Variants in COMMD5 observed in about 807,000 individuals in gnomAD.
The protein encoded by COMMD5 is COMM domain-containing protein 5.
COMMD5 carries 10 observed loss-of-function variants against 6.9 expected under a neutral mutation model. The ratio of observed to expected loss-of-function variants is 1.44; its 90% CI spans 0.89 to 2.45. COMMD5 has a LOEUF of 2.45. COMMD5 is among the 30% of genes most tolerant of loss of function. The pLI, the probability that COMMD5 is intolerant of heterozygous loss-of-function variation, is 0.00. For missense variants in COMMD5, 234 were observed against 287.8 expected, an observed-to-expected ratio of 0.81 and a Z score of 1.35; for synonymous variants, 127 against 125.3, an observed-to-expected ratio of 1.01 and a Z score of -0.09.
At chr8:144,838,151 C>T (rs562102680), downstream of COMMD5, 88 of 702,884 alleles carry the variant, frequency 1.3e-4, no homozygotes, top group African/African-American at 7.0e-4. Flanking sequence ...CTTGTGGATG[C>T]GTCCCTCACT....
chr8:144,850,873 G>T lies in COMMD5; in HGVS notation c.466C>A (p.Arg156=). ...GAWLPHVADF[R]WRVDVAISTS... ...GAGATTGCTACATCCACCCGCCACC[G>T]AAAGTCAGCAACATGCGGCAGCCAG... The change falls in exon 2 of 2, where the codon CGG becomes AGG. Residue 156 remains arginine, a synonymous_variant. Coordinates refer to ENST00000305103, the MANE Select transcript of COMMD5 (RefSeq NM_014066.4). This position sits in a 1 kb window ranked among gnomAD's most constrained non-coding sequence, Gnocchi z 4.0. The T allele has an allele frequency of 6.2e-7, 1 of 1,612,906 alleles. No individual in the cohort carries two copies. The highest frequency in any genetic ancestry group is 8.5e-7 in the Non-Finnish European group (1 of 1,179,664).
chr8:144,851,666 A>T (rs1391892151), intron 1 of COMMD5, among the ~76,000 whole-genome samples: 1 of 151,994 alleles, frequency 6.6e-6, no homozygotes, highest in African/African-American at 2.4e-5. Context: ...ACCAGGAAAC[A>T]GCACAAGTTC....
chr8:144,842,545 C>G, intron 1 of COMMD5: 1 of 1,614,162 alleles, frequency 6.2e-7, no homozygotes, highest in Non-Finnish European at 8.5e-7. Context: ...AGGCTTTGTT[C>G]AGGGCTCACA....
rs967959005 is a variant in COMMD5, at chr8:144,850,440, T to G, written c.*224A>C. ...AAGGGGAGGGTGTGAGGTCCAACAC[T>G]CACCTATAGAAACATGTTTTTAGCT... On this transcript the variant is annotated 3_prime_UTR_variant, in exon 2 of 2. Coordinates refer to ENST00000305103, the MANE Select transcript of COMMD5 (RefSeq NM_014066.4). This position sits in a 1 kb window ranked among gnomAD's most constrained non-coding sequence, Gnocchi z 4.0. 1 of 556,820 alleles carries G rather than the reference T, an allele frequency of 1.8e-6. No homozygotes were observed. Among genetic ancestry groups the G allele is most frequent in the Non-Finnish European group, 3.1e-6 (1 of 319,874 alleles). 34.5% of individuals were successfully genotyped at this position (556,820 alleles called of 1,614,324 possible).
At chr8:144,841,399 G>T (rs748033164) in exon 2 of COMMD5, 7 of 1,613,006 alleles carry the variant, frequency 4.3e-6, no homozygotes, top group Non-Finnish European at 5.9e-6. Context: ...TGAGGACATG[G>T]ACATCCTAAA....
downstream of COMMD5, chr8:144,838,438 G>A: frequency 2.5e-6 from 1 of 399,302 alleles, no homozygotes; most frequent in Non-Finnish European, 4.5e-6. Flanking sequence ...CTGGTGCTCT[G>A]CTCCCCTGCT....
At chr8:144,842,981 A>G (rs1203016458) in intron 1 of COMMD5, 1 of 1,614,224 alleles carries the variant, frequency 6.2e-7, no homozygotes, top group Non-Finnish European at 8.5e-7. Flanking sequence ...GTGAGCCGTA[A>G]AAAGGTTAAT....
chr8:144,845,821 T>G (rs563906112), downstream of COMMD5, among the ~76,000 whole-genome samples: 3 of 152,328 alleles, frequency 2.0e-5, no homozygotes, highest in South Asian at 4.1e-4. Flanking sequence ...AGCCATGCCC[T>G]ACTCACACCG....
At chr8:144,842,162 A>T in intron 1 of COMMD5, 1 of 1,614,152 alleles carries the variant, frequency 6.2e-7, no homozygotes, top group Non-Finnish European at 8.5e-7. Context: ...CTGGTTAGAC[A>T]CCAGAGAACT....
chr8:144,840,505 T>C (rs1352744924), downstream of COMMD5, among the ~76,000 whole-genome samples: 3 of 152,198 alleles, frequency 2.0e-5, no homozygotes, highest in African/African-American at 7.2e-5. Flanking sequence ...GTGGTTGTCA[T>C]GATCATAGCC....
downstream of COMMD5, among the ~76,000 whole-genome samples, chr8:144,840,529 G>C (rs911600459): frequency 6.6e-6 from 1 of 152,202 alleles, no homozygotes; most frequent in Non-Finnish European, 1.5e-5. Flanking sequence ...TGTTGTGGTT[G>C]CATCCTGTCA....
downstream of COMMD5, chr8:144,847,525 T>C (rs1830572984): frequency 6.6e-6 from 1 of 152,232 alleles, no homozygotes; most frequent in Non-Finnish European, 1.5e-5. Context: ...GAATTGCTTT[T>C]TATCTCAACT....
chr8:144,848,969 T>A (rs1360753546), downstream of COMMD5, among the ~76,000 whole-genome samples: 1 of 152,186 alleles, frequency 6.6e-6, no homozygotes, highest in Non-Finnish European at 1.5e-5. Flanking sequence ...GCCCAAGGGT[T>A]CACAGATGAA....
At chr8:144,843,632 T>C (rs1212149638) in intron 1 of COMMD5, 1 of 152,686 alleles carries the variant, frequency 6.5e-6, no homozygotes, top group African/African-American at 2.4e-5. Flanking sequence ...ACAAAATGTA[T>C]GTTTATTTCC....
chr8:144,844,893 G>A (rs967198070), intron 1 of COMMD5, among the ~76,000 whole-genome samples: 3 of 151,656 alleles, frequency 2.0e-5, no homozygotes, highest in Non-Finnish European at 2.9e-5. Flanking sequence ...AGGTGGAGAG[G>A]GAGTGGGGAA....
chr8:144,839,309 C>T (rs1314227875), downstream of COMMD5, among the ~76,000 whole-genome samples: 3 of 152,242 alleles, frequency 2.0e-5, no homozygotes, highest in Non-Finnish European at 4.4e-5. Flanking sequence ...TTGCAGCCGC[C>T]CAGGAAGTCT....
In COMMD5 at chr8:144,850,710, T is replaced by C; in HGVS notation, c.629A>G (p.Glu210Gly). The C allele has an allele frequency of 6.2e-7, 1 of 1,614,048 alleles. No individual in the cohort carries two copies. The change falls in exon 2 of 2, where the codon GAG (glutamate) becomes GGG (glycine). Residue 210 changes from glutamate to glycine, a missense_variant. Glu to Gly is a moderately conservative substitution (Grantham distance 98). Coordinates refer to ENST00000305103, the MANE Select transcript of COMMD5 (RefSeq NM_014066.4). This position sits in a 1 kb window ranked among gnomAD's most constrained non-coding sequence, Gnocchi z 4.0. ...ACACCTCTTCTCCAGATCTGCCATC[T>C]CCTTTAGGACCAGGGCCACGCTGTA... ...LRYSVALVLK[E>G]MADLEKRCER... is the part of the protein sequence containing the mutation.
At chr8:144,846,481 G>T (rs746995078), downstream of COMMD5, 2 of 296,626 alleles carry the variant, frequency 6.7e-6, no homozygotes, top group Non-Finnish European at 6.3e-6. Flanking sequence ...CTTTCTTGCT[G>T]CAGCAGTGTT....
At chr8:144,838,523 C>CCT (rs201182747), downstream of COMMD5, 1,490 of 192,800 alleles carry the variant, frequency 7.7e-3, 24 homozygotes, top group African/African-American at 0.032. Flanking sequence ...AAGCCCCTCA[C>CCT]CTCCCTTTCA....
Sources: gnomAD v4.1 joint callset for allele counts (sites outside exome capture counted in the v4.1 genomes callset) on GRCh38, gnomAD v4.1.1 for gene constraint, Gnocchi (gnomAD v3.1) non-coding constraint, MANE v1.5 for transcripts, NCBI Gene and HGNC (gene_info 2026-07-23, HGNC 2026-07-21) for gene names.